SMARCAL1: variants seen among roughly 807,000 people sequenced by gnomAD.
SMARCAL1 encodes the protein ATP-driven annealing helicase.
A neutral mutation model predicts 94.5 loss-of-function variants in SMARCAL1; 58 were observed. The observed-to-expected ratio is 0.61, with a 90% CI of 0.50 to 0.76. The LOEUF (loss-of-function observed/expected upper bound fraction) is 0.76. Among genes scored for constraint, SMARCAL1 ranks in the 30% least tolerant of loss-of-function variants. The pLI, the probability that SMARCAL1 is intolerant of heterozygous loss-of-function variation, is 0.00. For synonymous variants in SMARCAL1, 422 were observed against 455.1 expected, an observed-to-expected ratio of 0.93 and a Z score of 0.93; for missense variants, 1,051 against 1,177.9, an observed-to-expected ratio of 0.89 and a Z score of 1.58.
At chr2:216,412,928 G>C (rs1693497987) in intron 1 of SMARCAL1, 1 of 152,340 alleles carries the variant, frequency 6.6e-6, no homozygotes, top group African/African-American at 2.4e-5. Flanking sequence ...TTATGGCCGA[G>C]TCTCTCTGGT....
intron 9 of SMARCAL1, among the ~76,000 whole-genome samples, chr2:216,438,062 TG>T (rs765582628): frequency 4.6e-5 from 7 of 152,244 alleles, no homozygotes; most frequent in Non-Finnish European, 1.0e-4. Flanking sequence ...GGGCCCATTA[TG>T]GGGCACTTGG....
chr2:216,444,935 C>T (rs1166564777), intron 10 of SMARCAL1, among the ~76,000 whole-genome samples: 1 of 152,218 alleles, frequency 6.6e-6, no homozygotes, highest in Non-Finnish European at 1.5e-5. Flanking sequence ...CCACCCCCAA[C>T]CCACGAAGAA....
intron 13 of SMARCAL1, among the ~76,000 whole-genome samples, chr2:216,466,531 T>C (rs1174587750): frequency 2.0e-5 from 3 of 152,210 alleles, no homozygotes; most frequent in Non-Finnish European, 4.4e-5. Context: ...CTTTTCTTTT[T>C]TTGCTGTTGT....
chr2:216,428,169 C>T (rs1693879833), intron 6 of SMARCAL1, among the ~76,000 whole-genome samples: 1 of 152,204 alleles, frequency 6.6e-6, no homozygotes, highest in Non-Finnish European at 1.5e-5. Context: ...AGTGATTTAA[C>T]TGTAGTTCCA....
At chr2:216,431,894 T>G (rs1487533066) in intron 7 of SMARCAL1, among the ~76,000 whole-genome samples, 1 of 152,232 alleles carries the variant, frequency 6.6e-6, no homozygotes, top group African/African-American at 2.4e-5. Context: ...TTTTCTCGCC[T>G]CTGTCCTCAT....
At chr2:216,433,175 AT>A (rs1031282224) in intron 8 of SMARCAL1, among the ~76,000 whole-genome samples, 2 of 151,454 alleles carry the variant, frequency 1.3e-5, no homozygotes, top group Non-Finnish European at 1.5e-5. Context: ...ACCACACTTA[AT>A]TTTTTTTTAT....
At chr2:216,467,492 A>AG (rs1694853587) in intron 13 of SMARCAL1, among the ~76,000 whole-genome samples, 3 of 149,592 alleles carry the variant, frequency 2.0e-5, no homozygotes, top group African/African-American at 2.5e-5. Context: ...AAAAAAAAAA[A>AG]GGGTGGGAAG....
chr2:216,465,180 G>A (rs2106073763), intron 13 of SMARCAL1, among the ~76,000 whole-genome samples: 1 of 152,216 alleles, frequency 6.6e-6, no homozygotes, highest in South Asian at 2.1e-4. Context: ...AAAGTTTAGG[G>A]CACCCTGCTG....
intron 10 of SMARCAL1, among the ~76,000 whole-genome samples, chr2:216,446,038 TC>T (rs1694306890): frequency 6.6e-6 from 1 of 152,152 alleles, no homozygotes; most frequent in Admixed American, 6.5e-5. Context: ...CATGGTAGGG[TC>T]CGTTCCCAGA....
rs1193568602 is a variant in SMARCAL1, at chr2:216,477,096, C to T, written c.2428-13C>T. 3 of 1,559,734 alleles carry T rather than the reference C, an allele frequency of 1.9e-6. No homozygotes were observed. The highest frequency in any genetic ancestry group is 3.8e-5 in the Admixed American group (2 of 52,022). ...AGGCCTTTACCTGCCTGTCTCAATT[C>T]CTGGACACACAGGTGCTGATCCAGG... On this transcript the variant is annotated splice_polypyrimidine_tract_variant and intron_variant, in intron 15 of 17. Transcript: ENST00000357276.
At chr2:216,444,164 G>A (rs1455145071) in intron 10 of SMARCAL1, among the ~76,000 whole-genome samples, 1 of 152,144 alleles carries the variant, frequency 6.6e-6, no homozygotes, top group Non-Finnish European at 1.5e-5. Flanking sequence ...ACTTTCCAGC[G>A]GTGTGGACTT....
chr2:216,437,640 C>T (rs1694106862), intron 9 of SMARCAL1, among the ~76,000 whole-genome samples: 2 of 152,164 alleles, frequency 1.3e-5, no homozygotes, highest in Non-Finnish European at 1.5e-5. Flanking sequence ...CTCAGAGTCA[C>T]ACAGCAAGGA....
chr2:216,476,225 G>T (rs1189144690), intron 15 of SMARCAL1, among the ~76,000 whole-genome samples: 1 of 151,746 alleles, frequency 6.6e-6, no homozygotes. Context: ...GGTTTTTATT[G>T]GCTACACATA....
chr2:216,415,342 G>A lies in SMARCAL1; in HGVS notation c.638G>A (p.Ser213Asn). Residue 213 changes from serine to asparagine, a missense_variant, in exon 3 of 18, where the codon AGT becomes AAT. Physicochemically the swap from Ser to Asn is conservative, Grantham distance 46 (BLOSUM62 1). Transcript: ENST00000357276. Reference protein sequence around the residue: ...NISYIHSSSESVTPRTEGRLQ... With the variant: ...NISYIHSSSENVTPRTEGRLQ... ...TCTTACATCCATTCTAGCTCAGAGA[G>A]TGTAACGCCCAGGACAGAAGGAAGA... The A allele has an allele frequency of 6.2e-7, 1 of 1,614,260 alleles. No individual in the cohort carries two copies. The highest frequency in any genetic ancestry group is 8.5e-7 in the Non-Finnish European group (1 of 1,180,044).
chr2:216,448,561 C>T (rs1694371687), intron 11 of SMARCAL1, among the ~76,000 whole-genome samples: 1 of 152,194 alleles, frequency 6.6e-6, no homozygotes, highest in Non-Finnish European at 1.5e-5. Context: ...CTCCCCAATA[C>T]AACAAAGAAT....
intron 14 of SMARCAL1, among the ~76,000 whole-genome samples, chr2:216,474,625 T>G (rs1456937051): frequency 6.6e-6 from 1 of 151,500 alleles, no homozygotes; most frequent in Non-Finnish European, 1.5e-5. Context: ...TGTGGTGGTG[T>G]GCGCCTGTAA....
At chr2:216,468,743 CAG>C (rs916920791) in intron 14 of SMARCAL1, among the ~76,000 whole-genome samples, 4 of 152,104 alleles carry the variant, frequency 2.6e-5, no homozygotes, top group Non-Finnish European at 4.4e-5. Flanking sequence ...TATTTTGAGG[CAG>C]AGTCTTGCTG....
chr2:216,449,996 C>A (rs1044458061), intron 11 of SMARCAL1, among the ~76,000 whole-genome samples: 6 of 152,074 alleles, frequency 3.9e-5, no homozygotes, highest in Non-Finnish European at 8.8e-5. Context: ...TGCTACCACG[C>A]CGGCTAATTT....
rs985592785 is a variant in SMARCAL1 at position 216,415,656 on chromosome 2, G to C, written c.811+141G>C. On this transcript the variant is annotated intron_variant, in intron 3 of 17. Coordinates refer to ENST00000357276, the MANE Select transcript of SMARCAL1 (RefSeq NM_014140.4). ...AGTTGTTAAAAATTTTTCAATTTTA[G>C]CTTGTTTCCCTTCATAATAGTCATT... 1.4e-5 allele frequency: 11 copies of C among 804,374 alleles called. No homozygotes were observed. In the Admixed American group the frequency reaches 2.9e-4, roughly 21 times the overall value. 49.8% of individuals were successfully genotyped at this position (804,374 alleles called of 1,614,324 possible). A position where few individuals can be genotyped will look rare whatever the true frequency, so the allele number is the denominator to read the frequency against.
Sources: gnomAD v4.1 joint callset for allele counts (sites outside exome capture counted in the v4.1 genomes callset) on GRCh38, gnomAD v4.1.1 for gene constraint, MANE v1.5 for transcripts, NCBI Gene and HGNC (gene_info 2026-07-23, HGNC 2026-07-21) for gene names.